Variants in ABI3BP observed in about 807,000 individuals in gnomAD.
ABI3BP encodes ABI family member 3 binding protein, also known as target of Nesh-SH3.
A neutral mutation model predicts 268.6 loss-of-function variants in ABI3BP; 216 were observed. The ratio of observed to expected loss-of-function variants is 0.80; its 90% confidence interval spans 0.72 to 0.90. ABI3BP has a LOEUF of 0.90. Ranked by LOEUF, ABI3BP falls within the 40% of genes least tolerant of loss-of-function variation. The pLI, the probability that ABI3BP is intolerant of heterozygous loss-of-function variation, is 0.00. For synonymous variants in ABI3BP, 730 were observed against 730.0 expected, an observed-to-expected ratio of 1.00 and a Z score of 0.00; for missense variants, 2,090 against 2,182.4, an observed-to-expected ratio of 0.96 and a Z score of 0.84.
chr3:100,816,086 G>T lies in ABI3BP; in HGVS notation c.3230-115C>A, dbSNP rs1202143465. 5 of 756,560 alleles carry T rather than the reference G, an allele frequency of 6.6e-6. No homozygotes were observed. The East Asian group carries it at 1.4e-4, about 21-fold the overall frequency. 46.9% of individuals were successfully genotyped at this position (756,560 alleles called of 1,614,324 possible). A position where few individuals can be genotyped will look rare whatever the true frequency, so the allele number is the denominator to read the frequency against. ...TGATACACAATTTTTTAAAACTTTT[G>T]AATTGATAGGCAGCATATAGTTGCT... On this transcript the variant is annotated intron_variant, in intron 43 of 67. Transcript: ENST00000471714.
At chr3:100,864,810 A>T (rs750376954) in intron 11 of ABI3BP, 23 bp downstream of exon 11, 11 of 1,559,674 alleles carry the variant, frequency 7.1e-6, no homozygotes, top group Non-Finnish European at 9.6e-6. Flanking sequence ...TTTTTTAGAA[A>T]AAAAAAAAGT....
chr3:100,791,642 T>C (rs905996711), intron 55 of ABI3BP, among the ~76,000 whole-genome samples: 3 of 152,016 alleles, frequency 2.0e-5, no homozygotes, highest in East Asian at 3.9e-4. Context: ...ACTTCAGACT[T>C]CTGTGTGTAA....
intron 3 of ABI3BP, among the ~76,000 whole-genome samples, chr3:100,901,473 A>G (rs1442154765): frequency 6.6e-6 from 1 of 152,164 alleles, no homozygotes; most frequent in Admixed American, 6.5e-5. Context: ...CATTAGAAAA[A>G]TAAAAGCAGG....
At chr3:100,944,549 A>T (rs2071185037) in intron 1 of ABI3BP, among the ~76,000 whole-genome samples, 1 of 152,212 alleles carries the variant, frequency 6.6e-6, no homozygotes, top group Non-Finnish European at 1.5e-5. Context: ...CTTGATAAAA[A>T]ATGAAAATCT....
intron 1 of ABI3BP, among the ~76,000 whole-genome samples, chr3:100,976,905 G>T (rs994245359): frequency 6.6e-6 from 1 of 152,228 alleles, no homozygotes; most frequent in Admixed American, 6.5e-5. Flanking sequence ...GTCCTGAGAT[G>T]GGCTCTGGAA....
intron 1 of ABI3BP, 24 bp from the exon 2 acceptor site, chr3:100,926,505 G>C (rs143630106): frequency 3.1e-6 from 5 of 1,602,336 alleles, no homozygotes; most frequent in Non-Finnish European, 4.3e-6. Flanking sequence ...TGAAAACATC[G>C]ATGGCTGTTA....
At position 100,926,397 on chromosome 3, in the gene ABI3BP, T is replaced by A; in HGVS notation, c.164A>T (p.Lys55Met). 1.2e-6 allele frequency: 2 copies of A among 1,613,464 alleles called. No homozygotes were observed. The highest frequency in any genetic ancestry group is 1.7e-6 in the Non-Finnish European group (2 of 1,179,580). The change falls in exon 2 of 68, where the codon AAG becomes ATG. Residue 55 changes from lysine (K) to methionine (M), a missense_variant. Lys to Met is a moderately conservative substitution (Grantham distance 95). Transcript: ENST00000471714. ...LKFLRPSPNV[K>M]LEGLLLGYGS... ...ATATCCCAGGAGAAGACCTTCAAGC[T>A]TTACATTTGGACTTGGACGCAAGAA...
intron 51 of ABI3BP, among the ~76,000 whole-genome samples, chr3:100,802,029 T>C (rs2097549646): frequency 1.3e-5 from 2 of 152,206 alleles, no homozygotes; most frequent in Non-Finnish European, 2.9e-5. Flanking sequence ...AAGTATGTAA[T>C]CCAAGCAAAT....
intron 6 of ABI3BP, among the ~76,000 whole-genome samples, chr3:100,884,761 G>T (rs534831805): frequency 1.7e-5 from 2 of 116,032 alleles, no homozygotes; most frequent in Non-Finnish European, 3.9e-5. Flanking sequence ...TCTTCTCACC[G>T]AACTGCCTCC....
chr3:100,759,074 T>C (rs1388367998), intron 63 of ABI3BP, among the ~76,000 whole-genome samples: 1 of 152,208 alleles, frequency 6.6e-6, no homozygotes, highest in Non-Finnish European at 1.5e-5. Context: ...AGTTACATAC[T>C]CCTTACTGAT....
chr3:100,777,526 T>C (rs1427800807), intron 59 of ABI3BP, among the ~76,000 whole-genome samples: 2 of 152,294 alleles, frequency 1.3e-5, no homozygotes, highest in East Asian at 3.9e-4. Context: ...CACAGTCTAT[T>C]GGGGAAGAAA....
At chr3:100,788,385 A>G (rs1352285675) in intron 56 of ABI3BP, among the ~76,000 whole-genome samples, 2 of 152,112 alleles carry the variant, frequency 1.3e-5, no homozygotes, top group Admixed American at 1.3e-4. Context: ...TAACCCATTT[A>G]GAAGATTCTT....
chr3:100,894,476 C>T lies in ABI3BP; in HGVS notation c.461+4286G>A, dbSNP rs182092326. On this transcript the variant is annotated intron_variant, in intron 4 of 67. Coordinates refer to ENST00000471714, the MANE Select transcript of ABI3BP (RefSeq NM_001375547.2). ...TGGGCAAGATACTCCCTGTCTTCAC[C>T]GAGCTTAAAACTTACACGGCAAGAC... Among the ~76,000 whole-genome samples the T allele has an allele frequency of 1.2e-3, 179 of 152,110 alleles. 2 individuals carry two copies. Among genetic ancestry groups the T allele is most frequent in the African/African-American group, 4.1e-3 (171 of 41,474 alleles).
chr3:100,853,774 T>C (rs1202137977), intron 14 of ABI3BP, among the ~76,000 whole-genome samples: 1 of 152,210 alleles, frequency 6.6e-6, no homozygotes, highest in Non-Finnish European at 1.5e-5. Context: ...AAGCCTTTCT[T>C]CCATCATCCT....
chr3:100,753,848 G>A lies in ABI3BP; in HGVS notation c.4931C>T (p.Ala1644Val), dbSNP rs752464014. 11 of 1,609,052 alleles carry A rather than the reference G, an allele frequency of 6.8e-6. No individual in the cohort carries two copies. In the Middle Eastern group the frequency reaches 4.9e-4, roughly 72 times the overall value. The change falls in exon 65 of 68, where the codon GCG becomes GTG. Residue 1644 changes from alanine to valine, a missense_variant and splice_region_variant. By Grantham distance (64) the Ala-to-Val change is moderately conservative. Coordinates refer to ENST00000471714, the MANE Select transcript of ABI3BP (RefSeq NM_001375547.2). The part of the protein sequence containing the change: ...SNTVAFSTES[A>V]DPRVSEPVSA... ...AACTGGCTCACTCACTCTTGGGTCC[G>A]CTGAGGAGAAATAAATAGAAAAGTC... is the stretch of plus-strand genomic sequence containing the variant.
intron 2 of ABI3BP, among the ~76,000 whole-genome samples, chr3:100,905,414 TA>T (rs1002425156): frequency 6.6e-6 from 1 of 151,328 alleles, no homozygotes; most frequent in East Asian, 1.9e-4. Context: ...AGTATAATAA[TA>T]AAAAAAAGAA....
intron 1 of ABI3BP, among the ~76,000 whole-genome samples, chr3:100,953,657 C>T (rs1372354992): frequency 1.3e-5 from 2 of 151,760 alleles, no homozygotes; most frequent in African/African-American, 4.8e-5. Flanking sequence ...GACAGAGAGA[C>T]GATTGTCATA....
intron 29 of ABI3BP, among the ~76,000 whole-genome samples, chr3:100,834,378 G>A (rs1401945264): frequency 1.3e-5 from 2 of 152,108 alleles, no homozygotes; most frequent in Admixed American, 6.6e-5. Flanking sequence ...TGTGTGACAG[G>A]TTGAACTAAA....
chr3:100,862,228 A>G (rs2099006267), intron 14 of ABI3BP, 83 bp downstream of exon 14: 1 of 898,858 alleles, frequency 1.1e-6, no homozygotes, highest in African/African-American at 1.7e-5. Flanking sequence ...CATAATGATA[A>G]TCAATTAAGG....
Sources: gnomAD v4.1 joint callset for allele counts (sites outside exome capture counted in the v4.1 genomes callset) on GRCh38, gnomAD v4.1.1 for gene constraint, MANE v1.5 for transcripts, NCBI Gene and HGNC (gene_info 2026-07-23, HGNC 2026-07-21) for gene names.